ASTE1: variants seen among roughly 807,000 people sequenced by gnomAD.
ASTE1 encodes the protein asteroid structure-specific endonuclease 1.
ASTE1 carries 49 observed loss-of-function variants against 45.8 expected under a neutral mutation model. The observed-to-expected ratio is 1.07, with a 90% CI of 0.85 to 1.36. The LOEUF (loss-of-function observed/expected upper bound fraction) is 1.36, where lower values mean the gene tolerates loss of function less well. Among genes scored for constraint, ASTE1 ranks in the 40% most tolerant of loss-of-function variants. The pLI is 0.00. For synonymous variants in ASTE1, 296 were observed against 303.9 expected (o/e 0.97, Z 0.27); for missense variants, 709 against 804.0 (o/e 0.88, Z 1.43).
At chr3:131,014,408 G>A (rs745454747) in intron 5 of ASTE1, 21 bp from the exon 6 acceptor site, 10 of 1,540,574 alleles carry the variant, frequency 6.5e-6, no homozygotes, top group Admixed American at 2.2e-5. Flanking sequence ...CAAGAAAAAA[G>A]TATGTTGTTA....
At position 131,014,118 on chromosome 3, in the gene ASTE1, C is replaced by T. The variant is rs753155621; in HGVS notation, c.1979G>A (p.Arg660Gln). Residue 660 changes from arginine to glutamine, a missense_variant, in exon 6 of 6, where the codon CGG becomes CAG. Physicochemically the swap from Arg to Gln is conservative, Grantham distance 43. Transcript: ENST00000264992. ...GTTTTCAACCATTAACAACCCAAAC[C>T]GGTTGTTTCCCTCATACCAACACTT... is the stretch of plus-strand genomic sequence containing the variant. ...HTKCWYEGNN[R>Q]FGLLMVENLE... is the part of the protein sequence containing the mutation. 63 of 1,610,816 alleles carry T rather than the reference C, an allele frequency of 3.9e-5. No individual in the cohort carries two copies. Among genetic ancestry groups the T allele is most frequent in the Non-Finnish European group, 4.8e-5 (57 of 1,179,264 alleles).
Position 131,025,179 on chromosome 3 carries a change from G to C in ASTE1, c.128C>G (p.Ser43Ter). Residue 43 changes from serine to a stop codon, truncating the protein, a stop_gained, in exon 3 of 6, where the codon TCA (serine) becomes TGA (stop). Coordinates refer to ENST00000264992, the MANE Select transcript of ASTE1 (RefSeq NM_014065.4). LOFTEE classifies it high-confidence loss of function. Reference protein sequence around the residue: ...YALFHRLCFSSNLDLRYGGDY... With the variant: ...YALFHRLCFS ...CCCTCCATACCGGAGATCCAAGTTTGAACTGAAGCAAAGACGGTGGAAAAG... is the reference window on the plus strand; with the variant it reads ...CCCTCCATACCGGAGATCCAAGTTTCAACTGAAGCAAAGACGGTGGAAAAG... 1 of 1,614,196 alleles carries C rather than the reference G, an allele frequency of 6.2e-7. No individual in the cohort carries two copies. The highest frequency in any genetic ancestry group is 8.5e-7 in the Non-Finnish European group (1 of 1,180,034).
chr3:131,018,848 A>G (rs927451792), intron 3 of ASTE1, 132 bp from the exon 4 acceptor site: 181 of 872,972 alleles, frequency 2.1e-4, no homozygotes, highest in Non-Finnish European at 2.0e-4. Context: ...TCTTGTGGGA[A>G]AAAAAATCAG....
chr3:131,024,409 G>C lies in ASTE1; in HGVS notation c.898C>G (p.Gln300Glu), dbSNP rs756839703. The part of the protein sequence containing the change: ...ELLCCSMEEY[Q>E]QSQVKLQDFF... The stretch of plus-strand genomic sequence containing the variant: ...TCCTGTAGCTTCACCTGGGACTGTT[G>C]GTATTCTTCCATGGAACAGCAGAGA... Residue 300 changes from glutamine to glutamate, a missense_variant, in exon 3 of 6, where the codon CAA (glutamine) becomes GAA (glutamate). Gln to Glu is a conservative substitution (Grantham distance 29, BLOSUM62 2). Transcript: ENST00000264992. 2 of 1,614,174 alleles carry C rather than the reference G, an allele frequency of 1.2e-6. No individual in the cohort carries two copies. Among genetic ancestry groups the C allele is most frequent in the Admixed American group, 3.3e-5 (2 of 60,024 alleles).
chr3:131,025,243 T>C lies in ASTE1; in HGVS notation c.64A>G (p.Lys22Glu). Residue 22 changes from lysine (K) to glutamate (E), a missense_variant, in exon 3 of 6, where the codon AAG (lysine) becomes GAG (glutamate). Physicochemically the swap from Lys to Glu is moderately conservative, Grantham distance 56. Transcript: ENST00000264992. ...ATGACAATTTTTGTGTCCCGCAACT[T>C]CAAATCAGTGAAGAACTCATTACTA... is the stretch of plus-strand genomic sequence containing the variant. ...DHSNEFFTDL[K>E]LRDTKIVIDG... 6.2e-7 allele frequency: 1 copy of C among 1,614,174 alleles called. No homozygotes were observed. The highest frequency in any genetic ancestry group is 8.5e-7 in the Non-Finnish European group (1 of 1,180,026).
chr3:131,023,592 C>A (rs1218888858), intron 3 of ASTE1, among the ~76,000 whole-genome samples: 1 of 152,102 alleles, frequency 6.6e-6, no homozygotes, highest in Non-Finnish European at 1.5e-5. Context: ...TATCTGAAAT[C>A]CGATGTAGTC....
Position 131,023,074 on chromosome 3 carries a change from A to G in ASTE1, c.1302+931T>C, listed in dbSNP as rs145845829. ...TGTCCTCTGGGGGACAAAATCACCA[A>G]TGGTGATAAAGCTTTGGTGTAGACT... On this transcript the variant is annotated intron_variant, in intron 3 of 5. Transcript: ENST00000264992. Among the ~76,000 whole-genome samples, 837 of 152,228 alleles carry G rather than the reference A, an allele frequency of 5.5e-3. 9 individuals are homozygous for G. The highest frequency in any genetic ancestry group is 0.018 in the African/African-American group (762 of 41,530).
chr3:131,020,649 A>G (rs1018326356), intron 3 of ASTE1, among the ~76,000 whole-genome samples: 1 of 152,224 alleles, frequency 6.6e-6, no homozygotes, highest in Non-Finnish European at 1.5e-5. Context: ...ATGAATAGGT[A>G]CTATCACAAG....
rs1402261368 is a variant in ASTE1 at position 131,024,327 on chromosome 3, T to G, written c.980A>C (p.Glu327Ala). ...CPDALNLGLP[E>A]WVLVALAKGQ... ...TTTAGCTAAAGCCACTAATACCCAT[T>G]CTGGTAAACCAAGATTCAAGGCATC... Residue 327 changes from glutamate to alanine, a missense_variant, in exon 3 of 6, where the codon GAA becomes GCA. Coordinates refer to ENST00000264992, the MANE Select transcript of ASTE1 (RefSeq NM_014065.4). 6.2e-7 allele frequency: 1 copy of G among 1,614,256 alleles called. No homozygotes were observed. The highest frequency in any genetic ancestry group is 1.1e-5 in the South Asian group (1 of 91,088).
Position 131,024,131 on chromosome 3 carries a change from C to A in ASTE1, c.1176G>T (p.Trp392Cys). Residue 392 changes from tryptophan (W) to cysteine (C), a missense_variant, in exon 3 of 6, where the codon TGG (tryptophan) becomes TGT (cysteine). Coordinates refer to ENST00000264992, the MANE Select transcript of ASTE1 (RefSeq NM_014065.4). ...CTAGAGGCTGAGGAGGCAATGCATTCCAGGATGTCTTGTCCAGATGTGGTG... is the reference window on the plus strand; with the variant it reads ...CTAGAGGCTGAGGAGGCAATGCATTACAGGATGTCTTGTCCAGATGTGGTG... ...NASPHLDKTSWNALPPQPLAF... is the reference protein window; with the variant it reads ...NASPHLDKTSCNALPPQPLAF... 6.2e-7 allele frequency: 1 copy of A among 1,614,172 alleles called. No homozygotes were observed. The highest frequency in any genetic ancestry group is 1.3e-5 in the African/African-American group (1 of 75,046).
chr3:131,022,165 T>C (rs2063750723), intron 3 of ASTE1, among the ~76,000 whole-genome samples: 1 of 152,210 alleles, frequency 6.6e-6, no homozygotes, highest in Non-Finnish European at 1.5e-5. Context: ...GTGCAGTGTC[T>C]TGTAAGTAGG....
chr3:131,017,986 A>G (rs1052259147), intron 4 of ASTE1, among the ~76,000 whole-genome samples: 3 of 143,168 alleles, frequency 2.1e-5, no homozygotes, highest in East Asian at 1.9e-4. Context: ...AAAAAAAAAA[A>G]AAAAAAAAAA....
chr3:131,013,962 G>A lies in ASTE1; in HGVS notation c.*95C>T. 1 of 865,776 alleles carries A rather than the reference G, an allele frequency of 1.2e-6. No individual in the cohort carries two copies. The highest frequency in any genetic ancestry group is 1.8e-6 in the Non-Finnish European group (1 of 569,208). The allele number at this position is 865,776 out of a possible 1,614,324, so 53.6% of individuals were successfully genotyped here. ...GTGATGTTTATCCCCTAACAGGTCA[G>A]TCCTAAAGAAAAAGCTAATTGTTTC... On this transcript the variant is annotated 3_prime_UTR_variant, in exon 6 of 6. Transcript: ENST00000264992.
At chr3:131,018,426 CTTTT>C in intron 4 of ASTE1, 76 bp downstream of exon 4, 1 of 1,390,076 alleles carries the variant, frequency 7.2e-7, no homozygotes, top group Non-Finnish European at 1.0e-6. Context: ...TCCAAGAATA[CTTTT>C]TTGTTTGTGT....
rs2063919904 is a variant in ASTE1, at chr3:131,026,822, C to G, written c.-462G>C. ...CTACTTGGGTCGGCGAACACTTCCG[C>G]CTTGGTGCCGCCTCGCCCCGACTTC... is the stretch of plus-strand genomic sequence containing the variant. On this transcript the variant is annotated 5_prime_UTR_variant, in exon 1 of 6. Transcript: ENST00000264992. 2 of 152,418 alleles carry G rather than the reference C, an allele frequency of 1.3e-5. No individual in the cohort carries two copies. The highest frequency in any genetic ancestry group is 4.8e-5 in the African/African-American group (2 of 41,456). 9.4% of individuals were successfully genotyped at this position (152,418 alleles called of 1,614,324 possible).
rs1403572914 is a variant in ASTE1, at chr3:131,014,219, T to G, written c.1878A>C (p.Ser626=). The G allele has an allele frequency of 1.2e-6, 2 of 1,614,038 alleles. No homozygotes were observed. Residue 626 remains serine (S), a synonymous_variant, in exon 6 of 6, where the codon TCA becomes TCC. Transcript: ENST00000264992. ...PAEIFLPKGR[S]NSKKKRQKKQ... is the part of the protein sequence containing the mutation. ...TCTTCTGCCTTTTTTTTTTTGAATTTGATCTACCTTTTGGTAGGAATATTT... is the reference window on the plus strand; with the variant it reads ...TCTTCTGCCTTTTTTTTTTTGAATTGGATCTACCTTTTGGTAGGAATATTT...
chr3:131,024,411 T>C lies in ASTE1; in HGVS notation c.896A>G (p.Tyr299Cys). 6.2e-7 allele frequency: 1 copy of C among 1,614,250 alleles called. No homozygotes were observed. Among genetic ancestry groups the C allele is most frequent in the Non-Finnish European group, 8.5e-7 (1 of 1,180,048 alleles). ...CTGTAGCTTCACCTGGGACTGTTGG[T>C]ATTCTTCCATGGAACAGCAGAGAAG... ...KELLCCSMEE[Y>C]QQSQVKLQDF... Residue 299 changes from tyrosine (Y) to cysteine (C), a missense_variant, in exon 3 of 6, where the codon TAC becomes TGC. Transcript: ENST00000264992.
At chr3:131,019,455 A>G (rs1305905944) in intron 3 of ASTE1, among the ~76,000 whole-genome samples, 2 of 152,234 alleles carry the variant, frequency 1.3e-5, no homozygotes, top group Non-Finnish European at 2.9e-5. Flanking sequence ...GTGTACTTCA[A>G]ATAAAAGCTC....
At chr3:131,014,499 C>G (rs2063495239) in intron 5 of ASTE1, 112 bp from the exon 6 acceptor site, 1 of 987,246 alleles carries the variant, frequency 1.0e-6, no homozygotes, top group African/African-American at 1.7e-5. Context: ...GCTCTTATTG[C>G]TCTATAATAT....
Sources: gnomAD v4.1 joint callset for allele counts (sites outside exome capture counted in the v4.1 genomes callset) on GRCh38, gnomAD v4.1.1 for gene constraint, MANE v1.5 for transcripts, NCBI Gene and HGNC (gene_info 2026-07-23, HGNC 2026-07-21) for gene names.